The following NBEA variants were observed in gnomAD, a reference collection of about 807,000 sequenced individuals.
The protein encoded by NBEA is neurobeachin, also known as lysosomal-trafficking regulator 2.
A neutral mutation model predicts 343.4 loss-of-function variants in NBEA; 44 were observed. The ratio of observed to expected loss-of-function variants is 0.13; its 90% CI spans 0.10 to 0.16. The LOEUF (loss-of-function observed/expected upper bound fraction) is 0.16, where lower values mean the gene tolerates loss of function less well. NBEA is among the 10% of genes least tolerant of loss of function. NBEA has a pLI of 1.00. For synonymous variants in NBEA, 1,175 were observed against 1,238.7 expected (o/e 0.95, Z 1.08); for missense variants, 2,555 against 3,631.3 (o/e 0.70, Z 7.62).
At chr13:35,234,060 C>G (rs567163708) in intron 34 of NBEA, among the ~76,000 whole-genome samples, 6 of 152,230 alleles carry the variant, frequency 3.9e-5, no homozygotes, top group South Asian at 2.1e-4. Flanking sequence ...GAAAGATGTT[C>G]TTGGTATGAT....
chr13:35,412,596 C>T (rs529756079), intron 38 of NBEA, among the ~76,000 whole-genome samples: 47 of 152,136 alleles, frequency 3.1e-4, no homozygotes, highest in African/African-American at 1.1e-3. Flanking sequence ...TGGCTTGGCT[C>T]ATAGATTTGT....
At chr13:35,145,835 C>G (rs1329941083) in intron 18 of NBEA, among the ~76,000 whole-genome samples, 1 of 152,122 alleles carries the variant, frequency 6.6e-6, no homozygotes, top group Admixed American at 6.6e-5. Flanking sequence ...AAGCCTTGAA[C>G]TAGACAATAT....
intron 8 of NBEA, among the ~76,000 whole-genome samples, chr13:35,069,447 C>CTTTT (rs1350155307): frequency 6.6e-6 from 1 of 151,918 alleles, no homozygotes; most frequent in Non-Finnish European, 1.5e-5. Context: ...GGTTGATTTG[C>CTTTT]TTTTTAGTAA....
chr13:35,327,203 T>G (rs1211231631), intron 36 of NBEA, among the ~76,000 whole-genome samples: 2 of 152,106 alleles, frequency 1.3e-5, no homozygotes, highest in Non-Finnish European at 2.9e-5. Context: ...TCAGCCACTG[T>G]GGAAAGCAGT....
At chr13:35,271,374 G>A (rs2034134043) in intron 34 of NBEA, among the ~76,000 whole-genome samples, 1 of 152,142 alleles carries the variant, frequency 6.6e-6, no homozygotes, top group South Asian at 2.1e-4. Context: ...AAAGACCAAA[G>A]GTAGATAAAA....
At chr13:35,010,759 T>A (rs866131330) in intron 1 of NBEA, among the ~76,000 whole-genome samples, 1,616 of 117,114 alleles carry the variant, frequency 0.014, 144 homozygotes, top group Middle Eastern at 0.022. Context: ...TATATATATA[T>A]ATATATATAT....
intron 46 of NBEA, among the ~76,000 whole-genome samples, chr13:35,592,424 A>G (rs1053817288): frequency 1.2e-4 from 19 of 152,116 alleles, no homozygotes; most frequent in African/African-American, 4.3e-4. Flanking sequence ...ATCAATTAAA[A>G]CCAGTGTGAT....
chr13:34,993,734 C>T (rs776382184), intron 1 of NBEA, among the ~76,000 whole-genome samples: 22 of 152,238 alleles, frequency 1.4e-4, no homozygotes, highest in African/African-American at 3.6e-4. Context: ...AGCTATAGTG[C>T]GGAACATTAT....
At chr13:35,487,749 T>C (rs1035227661) in intron 41 of NBEA, among the ~76,000 whole-genome samples, 2 of 152,004 alleles carry the variant, frequency 1.3e-5, no homozygotes, top group Non-Finnish European at 2.9e-5. Context: ...GTATTATCCC[T>C]TTAACAAATA....
chr13:35,575,533 C>G (rs1275398886), intron 45 of NBEA, among the ~76,000 whole-genome samples: 1 of 152,080 alleles, frequency 6.6e-6, no homozygotes, highest in Non-Finnish European at 1.5e-5. Flanking sequence ...TAACAATACC[C>G]ATTAACCAAT....
intron 4 of NBEA, among the ~76,000 whole-genome samples, chr13:35,045,821 G>A (rs1489564316): frequency 6.6e-6 from 1 of 151,834 alleles, no homozygotes; most frequent in Admixed American, 6.6e-5. Flanking sequence ...TCTGCCTCCC[G>A]GGTTCAAGCA....
At chr13:34,968,722 T>C (rs2152497152) in intron 1 of NBEA, among the ~76,000 whole-genome samples, 1 of 152,318 alleles carries the variant, frequency 6.6e-6, no homozygotes, top group Non-Finnish European at 1.5e-5. Flanking sequence ...GTTTCTTCTA[T>C]TTATTTTAAA....
chr13:35,092,363 A>G (rs1012249279), intron 10 of NBEA, among the ~76,000 whole-genome samples: 1 of 152,108 alleles, frequency 6.6e-6, no homozygotes, highest in Non-Finnish European at 1.5e-5. Context: ...TAAAAAAGGG[A>G]TAAATTTCGT....
chr13:35,040,661 T>C (rs1009986521), intron 1 of NBEA, among the ~76,000 whole-genome samples: 9 of 152,094 alleles, frequency 5.9e-5, no homozygotes, highest in African/African-American at 1.9e-4. Flanking sequence ...TGAATCTCAC[T>C]CAGGAATCAC....
At chr13:35,536,685 C>CAGAG (rs2153002200) in intron 41 of NBEA, among the ~76,000 whole-genome samples, 1 of 152,232 alleles carries the variant, frequency 6.6e-6, no homozygotes, top group African/African-American at 2.4e-5. Flanking sequence ...GACAGACAGA[C>CAGAG]AGTCAGTCCT....
chr13:35,057,801 A>G (rs906765165), intron 7 of NBEA, among the ~76,000 whole-genome samples: 2 of 152,130 alleles, frequency 1.3e-5, no homozygotes, highest in African/African-American at 4.8e-5. Context: ...TAAGAAGTGG[A>G]GAATTCTAGA....
At chr13:35,641,033 A>G (rs2083922791) in intron 49 of NBEA, among the ~76,000 whole-genome samples, 1 of 152,088 alleles carries the variant, frequency 6.6e-6, no homozygotes, top group South Asian at 2.1e-4. Flanking sequence ...TTAAAATTTA[A>G]CACTCTTTAA....
chr13:35,652,423 G>A (rs1425259432), intron 53 of NBEA, among the ~76,000 whole-genome samples: 1 of 150,866 alleles, frequency 6.6e-6, no homozygotes, highest in African/African-American at 2.4e-5. Flanking sequence ...GGCGGATCAC[G>A]AGGTCAGGAG....
At chr13:35,113,737 G>A (rs1486875974) in intron 13 of NBEA, among the ~76,000 whole-genome samples, 2 of 152,064 alleles carry the variant, frequency 1.3e-5, no homozygotes, top group Non-Finnish European at 2.9e-5. Context: ...TTAGGCTTAC[G>A]GAGCCATAAG....
Sources: allele counts gnomAD v4.1 joint callset (sites outside exome capture counted in the v4.1 genomes callset), GRCh38; gene constraint gnomAD v4.1.1; transcripts MANE v1.5; gene names NCBI Gene and HGNC (gene_info 2026-07-23, HGNC 2026-07-21).